Variants in NRG3 observed in about 807,000 individuals in gnomAD.
NRG3 encodes the protein pro-neuregulin-3, membrane-bound isoform.
NRG3 carries 31 observed loss-of-function variants against 66.9 expected under a neutral mutation model. The observed-to-expected ratio is 0.46, with a 90% CI of 0.35 to 0.63. The LOEUF is 0.63. Ranked by LOEUF, NRG3 falls within the 20% of genes least tolerant of loss-of-function variation. NRG3 has a pLI of 0.00. For missense variants in NRG3, 910 were observed against 878.9 expected (o/e 1.04, Z -0.45); for synonymous variants, 393 against 359.4 (o/e 1.09, Z -1.06).
At chr10:82,418,400 T>G (rs747762090) in intron 2 of NRG3, among the ~76,000 whole-genome samples, 3 of 145,408 alleles carry the variant, frequency 2.1e-5, no homozygotes, top group Non-Finnish European at 4.6e-5. Flanking sequence ...ATGCAAATGT[T>G]TATGCAAATT....
At chr10:82,964,556 T>G (rs1472941660) in intron 6 of NRG3, among the ~76,000 whole-genome samples, 1 of 152,172 alleles carries the variant, frequency 6.6e-6, no homozygotes, top group Non-Finnish European at 1.5e-5. Context: ...CATGCAAAAA[T>G]TCTCAACAGC....
chr10:82,289,957 C>T (rs979587250), intron 1 of NRG3, among the ~76,000 whole-genome samples: 3 of 152,266 alleles, frequency 2.0e-5, no homozygotes, highest in Admixed American at 6.5e-5. Context: ...TTATGTCTTC[C>T]GAATTTTGAC....
intron 1 of NRG3, among the ~76,000 whole-genome samples, chr10:82,211,825 C>G (rs994705470): frequency 6.6e-6 from 1 of 152,112 alleles, no homozygotes; most frequent in African/African-American, 2.4e-5. Context: ...GACAGGGCAG[C>G]AGGCTGGTGC....
chr10:82,546,036 TG>T (rs2043892952), intron 2 of NRG3, among the ~76,000 whole-genome samples: 1 of 152,200 alleles, frequency 6.6e-6, no homozygotes, highest in South Asian at 2.1e-4. Flanking sequence ...CCCAAAGTGC[TG>T]GGATTACAGG....
intron 1 of NRG3, among the ~76,000 whole-genome samples, chr10:82,001,287 G>A (rs188083611): frequency 1.3e-5 from 2 of 151,980 alleles, no homozygotes; most frequent in East Asian, 3.9e-4. Flanking sequence ...CAGATCGCTC[G>A]AGGTCAGGAG....
chr10:82,363,185 G>A (rs1003086176), intron 2 of NRG3, among the ~76,000 whole-genome samples: 5 of 152,164 alleles, frequency 3.3e-5, no homozygotes, highest in African/African-American at 1.2e-4. Flanking sequence ...TAGGGAAATT[G>A]ACAAAGGGGA....
At chr10:82,829,751 G>GA (rs1395347643) in intron 3 of NRG3, among the ~76,000 whole-genome samples, 4 of 152,130 alleles carry the variant, frequency 2.6e-5, no homozygotes, top group African/African-American at 9.7e-5. Context: ...TTGGTTGTGT[G>GA]ATTACAACTA....
chr10:82,770,711 A>G (rs893900505), intron 3 of NRG3, among the ~76,000 whole-genome samples: 3 of 152,164 alleles, frequency 2.0e-5, no homozygotes, highest in Admixed American at 6.6e-5. Flanking sequence ...TCAGAAGGGC[A>G]TAGTAGATAT....
intron 1 of NRG3, among the ~76,000 whole-genome samples, chr10:82,058,965 G>A (rs1009602809): frequency 6.6e-6 from 1 of 152,142 alleles, no homozygotes; most frequent in African/African-American, 2.4e-5. Context: ...TGTGGGGAAT[G>A]GTGGAGAAGG....
At chr10:82,054,062 A>C (rs1336498946) in intron 1 of NRG3, among the ~76,000 whole-genome samples, 1 of 152,180 alleles carries the variant, frequency 6.6e-6, no homozygotes, top group East Asian at 1.9e-4. Context: ...AGGGTTCTAA[A>C]CATACAGAGG....
chr10:82,243,253 A>C (rs1165726111), intron 1 of NRG3, among the ~76,000 whole-genome samples: 1 of 152,228 alleles, frequency 6.6e-6, no homozygotes, highest in East Asian at 1.9e-4. Context: ...AAATATGCAA[A>C]AATCAAAATA....
At chr10:82,449,135 A>T (rs980130320) in intron 2 of NRG3, among the ~76,000 whole-genome samples, 50 of 152,172 alleles carry the variant, frequency 3.3e-4, no homozygotes, top group African/African-American at 1.2e-3. Context: ...TCCGAAAGAG[A>T]TGGAGCTATC....
intron 1 of NRG3, among the ~76,000 whole-genome samples, chr10:82,085,245 G>A (rs2065648489): frequency 6.6e-6 from 1 of 152,122 alleles, no homozygotes; most frequent in Non-Finnish European, 1.5e-5. Context: ...CGCATCATCT[G>A]TCCACGTGAG....
chr10:82,608,553 T>C (rs535114954), intron 2 of NRG3, among the ~76,000 whole-genome samples: 14 of 152,276 alleles, frequency 9.2e-5, no homozygotes, highest in African/African-American at 3.4e-4. Context: ...ATTGTTGTGG[T>C]GGTAAATTGT....
chr10:82,012,228 C>T (rs1292517527), intron 1 of NRG3, among the ~76,000 whole-genome samples: 1 of 152,162 alleles, frequency 6.6e-6, no homozygotes, highest in Non-Finnish European at 1.5e-5. Context: ...GGATTTGCAC[C>T]CTCTGAAGCC....
At chr10:82,351,275 C>G (rs535332812) in intron 1 of NRG3, among the ~76,000 whole-genome samples, 1 of 152,306 alleles carries the variant, frequency 6.6e-6, no homozygotes, top group Admixed American at 6.5e-5. Context: ...GTGTGAGAAA[C>G]TTTTATCCAC....
In NRG3 at chr10:82,870,076, G is replaced by A. The variant is rs545342445; in HGVS notation, c.1054+4639G>A. On this transcript the variant is annotated intron_variant, in intron 4 of 8. Transcript: ENST00000372141. Reference sequence around the variant, plus strand: ...GTAGAGACGGGGTTTCACCGTGTTAGCCAGGATGGTCTCGATCTCCTGACC... The same window carrying A: ...GTAGAGACGGGGTTTCACCGTGTTAACCAGGATGGTCTCGATCTCCTGACC... Among the ~76,000 whole-genome samples, 14 of 148,496 alleles carry A rather than the reference G, an allele frequency of 9.4e-5. No individual in the cohort carries two copies. In the South Asian group the frequency reaches 2.6e-3, roughly 27 times the overall value.
intron 1 of NRG3, among the ~76,000 whole-genome samples, chr10:81,941,970 C>T (rs1372525703): frequency 3.3e-5 from 5 of 152,148 alleles, no homozygotes; most frequent in Non-Finnish European, 4.4e-5. Flanking sequence ...TCTCCTCCAA[C>T]AGAAGACTAC....
At chr10:82,058,448 T>C (rs2063962028) in intron 1 of NRG3, among the ~76,000 whole-genome samples, 1 of 151,998 alleles carries the variant, frequency 6.6e-6, no homozygotes, top group Non-Finnish European at 1.5e-5. Context: ...CTAGAATTAA[T>C]ATTTTCAACG....
Sources: allele counts gnomAD v4.1 joint callset (sites outside exome capture counted in the v4.1 genomes callset), GRCh38; gene constraint gnomAD v4.1.1; transcripts MANE v1.5; gene names NCBI Gene and HGNC (gene_info 2026-07-23, HGNC 2026-07-21).